The following DDR2 variants were observed in gnomAD, a reference collection of about 807,000 sequenced individuals.
DDR2 encodes the protein discoidin domain receptor tyrosine kinase 2.
Under a neutral mutation model 94.9 loss-of-function variants are expected in DDR2, and 27 were observed. The ratio of observed to expected loss-of-function variants is 0.28; its 90% CI spans 0.21 to 0.39. DDR2 has a LOEUF of 0.39. DDR2 is among the 10% of genes least tolerant of loss of function. The pLI, the probability that DDR2 is intolerant of heterozygous loss-of-function variation, is 1.00. For missense variants in DDR2, 783 were observed against 1,076.0 expected, an observed-to-expected ratio of 0.73 and a Z score of 3.81; for synonymous variants, 382 against 377.2, an observed-to-expected ratio of 1.01 and a Z score of -0.15.
At chr1:162,718,997 C>T (rs1661291881) in intron 2 of DDR2, 40 bp from the exon 3 acceptor site, 12 of 1,594,254 alleles carry the variant, frequency 7.5e-6, no homozygotes, top group Non-Finnish European at 9.5e-6. Flanking sequence ...CATTTCCTCT[C>T]CTTCTCTTTC....
At position 162,711,850 on chromosome 1, in the gene DDR2, A is replaced by T. The variant is rs572973994; in HGVS notation, c.-27-7187A>T. Among the ~76,000 whole-genome samples, 8 of 152,276 alleles carry T rather than the reference A, an allele frequency of 5.3e-5. No homozygotes were observed. The South Asian group carries it at 1.7e-3, about 32-fold the overall frequency. ...CACACACATGCACACATGTACGTAT[A>T]TACATATATAATCTATCATGTGTAT... On this transcript the variant is annotated intron_variant, in intron 2 of 17. Transcript: ENST00000367921.
At chr1:162,696,578 G>C (rs2101986235) in intron 2 of DDR2, among the ~76,000 whole-genome samples, 1 of 151,950 alleles carries the variant, frequency 6.6e-6, no homozygotes, top group Non-Finnish European at 1.5e-5. Context: ...AGCTGAGTGA[G>C]GGCTTGAAAA....
intron 3 of DDR2, among the ~76,000 whole-genome samples, chr1:162,746,558 C>T (rs1408960055): frequency 1.3e-5 from 2 of 152,212 alleles, no homozygotes; most frequent in Non-Finnish European, 1.5e-5. Flanking sequence ...CGTAGCTGAA[C>T]AAAAGGCAGC....
chr1:162,754,588 G>A (rs1367413306), intron 4 of DDR2, 36 bp from the exon 5 acceptor site: 1 of 1,606,054 alleles, frequency 6.2e-7, no homozygotes, highest in Non-Finnish European at 8.5e-7. Flanking sequence ...GTGGTTTCAT[G>A]GTTGCTCCCT....
At chr1:162,748,198 A>C (rs1479579958) in intron 3 of DDR2, among the ~76,000 whole-genome samples, 1 of 152,262 alleles carries the variant, frequency 6.6e-6, no homozygotes, top group East Asian at 1.9e-4. Flanking sequence ...TAAAAGACAC[A>C]GACTGGCAAG....
At chr1:162,667,419 A>G (rs1277856092) in intron 2 of DDR2, among the ~76,000 whole-genome samples, 2 of 152,140 alleles carry the variant, frequency 1.3e-5, no homozygotes, top group African/African-American at 4.8e-5. Context: ...CAGTGGCTTG[A>G]ATTTTTGTCC....
chr1:162,723,509 C>A (rs1661515846), intron 3 of DDR2, among the ~76,000 whole-genome samples: 1 of 152,186 alleles, frequency 6.6e-6, no homozygotes, highest in South Asian at 2.1e-4. Flanking sequence ...TAGTGGGGAA[C>A]TGGCACCTTA....
Position 162,784,214 on chromosome 1 carries a change from G to A in DDR2, c.*3968G>A, listed in dbSNP as rs527406750. ...TTTTGAGTAAAGGAGAATAGAAGAAGGGGAGTGTCCGCAAAATGGAAAGAG... is the reference window on the plus strand; with the variant it reads ...TTTTGAGTAAAGGAGAATAGAAGAAAGGGAGTGTCCGCAAAATGGAAAGAG... On this transcript the variant is annotated 3_prime_UTR_variant, in exon 18 of 18. Coordinates refer to ENST00000367921, the MANE Select transcript of DDR2 (RefSeq NM_006182.4). The A allele has an allele frequency of 2.0e-5, 3 of 152,820 alleles. No homozygotes were observed. The South Asian group carries it at 6.2e-4, about 31-fold the overall frequency. 9.5% of individuals were successfully genotyped at this position (152,820 alleles called of 1,614,324 possible).
At position 162,727,883 on chromosome 1, in the gene DDR2, C is replaced by T. The variant is rs778486086; in HGVS notation, c.82+8738C>T. 8.1e-5 allele frequency among the ~76,000 whole-genome samples: 12 copies of T among 148,586 alleles called. No homozygotes were observed. The South Asian group carries it at 1.3e-3, about 16-fold the overall frequency. ...AAACTACTGAAAAATTCTGTGAGGGCTATCTTGCCACATCCATACTCTTCA... is the reference window on the plus strand; with the variant it reads ...AAACTACTGAAAAATTCTGTGAGGGTTATCTTGCCACATCCATACTCTTCA... On this transcript the variant is annotated intron_variant, in intron 3 of 17. Transcript: ENST00000367921.
chr1:162,661,649 C>T (rs1037261907), intron 2 of DDR2, among the ~76,000 whole-genome samples: 4 of 152,210 alleles, frequency 2.6e-5, no homozygotes, highest in Admixed American at 2.0e-4. Context: ...GCTCCACAAA[C>T]ACAGTGAAGC....
chr1:162,636,144 A>C (rs999073238), intron 1 of DDR2, among the ~76,000 whole-genome samples: 2 of 152,074 alleles, frequency 1.3e-5, no homozygotes, highest in African/African-American at 4.8e-5. Context: ...TGGTTCTCTT[A>C]TTTTCTAATT....
At chr1:162,725,116 G>A (rs1661592506) in intron 3 of DDR2, among the ~76,000 whole-genome samples, 1 of 152,102 alleles carries the variant, frequency 6.6e-6, no homozygotes. Flanking sequence ...ACCATTTTAA[G>A]TGGTGTCAAC....
intron 1 of DDR2, among the ~76,000 whole-genome samples, chr1:162,646,370 A>G (rs1447034096): frequency 6.6e-6 from 1 of 152,192 alleles, no homozygotes; most frequent in Non-Finnish European, 1.5e-5. Context: ...AAAAATGACA[A>G]TTGTGAGGAC....
chr1:162,718,035 AT>A (rs1167816068), intron 2 of DDR2, among the ~76,000 whole-genome samples: 1 of 152,216 alleles, frequency 6.6e-6, no homozygotes, highest in Non-Finnish European at 1.5e-5. Context: ...GGAAATGTGC[AT>A]ATTCTCCCCA....
intron 2 of DDR2, among the ~76,000 whole-genome samples, chr1:162,714,056 G>C (rs933788129): frequency 2.0e-5 from 3 of 152,116 alleles, no homozygotes; most frequent in Non-Finnish European, 4.4e-5. Flanking sequence ...GTGACTACTT[G>C]AGAGGTTGAA....
chr1:162,777,142 A>G (rs557830817), intron 16 of DDR2, among the ~76,000 whole-genome samples: 3 of 152,300 alleles, frequency 2.0e-5, no homozygotes, highest in South Asian at 2.1e-4. Context: ...GAAATAAAAA[A>G]TGTATAGTTA....
chr1:162,693,814 G>A (rs1052571923), intron 2 of DDR2, among the ~76,000 whole-genome samples: 8 of 152,282 alleles, frequency 5.3e-5, no homozygotes, highest in African/African-American at 7.2e-5. Context: ...GGCAGTAAGC[G>A]CAAAGGCCCT....
intron 2 of DDR2, among the ~76,000 whole-genome samples, chr1:162,690,395 C>T (rs1476249838): frequency 6.6e-6 from 1 of 152,120 alleles, no homozygotes; most frequent in African/African-American, 2.4e-5. Context: ...GCCAAAATGT[C>T]AACATGTGTG....
intron 3 of DDR2, among the ~76,000 whole-genome samples, chr1:162,726,195 A>T (rs938572336): frequency 6.6e-6 from 1 of 152,202 alleles, no homozygotes; most frequent in African/African-American, 2.4e-5. Flanking sequence ...CCTCTTCCTC[A>T]ATTTTGTATA....
Sources: gnomAD v4.1 joint callset for allele counts (sites outside exome capture counted in the v4.1 genomes callset) on GRCh38, gnomAD v4.1.1 for gene constraint, MANE v1.5 for transcripts, NCBI Gene and HGNC (gene_info 2026-07-23, HGNC 2026-07-21) for gene names.